Variants in ADAMTS17 observed in about 807,000 individuals in gnomAD.
The protein encoded by ADAMTS17 is A disintegrin and metalloproteinase with thrombospondin motifs 17.
In ADAMTS17, 113 loss-of-function variants were observed where a neutral mutation model predicts 141.5. That is an observed-to-expected ratio of 0.80 (90% confidence interval 0.69 to 0.93). ADAMTS17 has a LOEUF of 0.93. Among genes scored for constraint, ADAMTS17 ranks in the 40% least tolerant of loss-of-function variants. The probability of loss-of-function intolerance (pLI) is 0.00; values close to 1 mark genes in which losing one functional copy is unlikely to be tolerated. For synonymous variants in ADAMTS17, 768 were observed against 630.6 expected, an observed-to-expected ratio of 1.22 and a Z score of -3.27; for missense variants, 1,659 against 1,517.9, an observed-to-expected ratio of 1.09 and a Z score of -1.54.
At position 100,024,186 on chromosome 15, in the gene ADAMTS17, G is replaced by C. The variant is rs190972303; in HGVS notation, c.2591+24671C>G. On this transcript the variant is annotated intron_variant, in intron 18 of 21. Coordinates refer to ENST00000268070, the MANE Select transcript of ADAMTS17 (RefSeq NM_139057.4). ...CAGCTCAGTACAGCCTCGAACTCCT[G>C]GGCTCAAGCAATTCTCCTGCGTCGG... 6.6e-3 allele frequency among the ~76,000 whole-genome samples: 1,011 copies of C among 152,240 alleles called. 10 individuals are homozygous for C. The highest frequency in any genetic ancestry group is 0.011 in the Non-Finnish European group (724 of 68,016).
At position 100,199,393 on chromosome 15, in the gene ADAMTS17, G is replaced by C; in HGVS notation, c.1106C>G (p.Ala369Gly). 6.2e-7 allele frequency: 1 copy of C among 1,614,176 alleles called. No individual in the cohort carries two copies. Among genetic ancestry groups the C allele is most frequent in the Non-Finnish European group, 8.5e-7 (1 of 1,180,038 alleles). The change falls in exon 8 of 22, where the codon GCT becomes GGT. Residue 369 changes from alanine to glycine, a missense_variant. Physicochemically the swap from Ala to Gly is moderately conservative, Grantham distance 60. Coordinates refer to ENST00000268070, the MANE Select transcript of ADAMTS17 (RefSeq NM_139057.4). ...TTCGGCAAGCACACACTTCCTCTTA[G>C]CACTGCACACACCTCCTAAGTAAGC... ...GIAYLGGVCS[A>G]KRKCVLAEDN...
intron 10 of ADAMTS17, among the ~76,000 whole-genome samples, chr15:100,136,069 A>G (rs2038315522): frequency 6.6e-6 from 1 of 152,208 alleles, no homozygotes. Flanking sequence ...AGCAATTCGA[A>G]TCCTAAGTAT....
At chr15:100,237,716 C>T (rs2042703192) in intron 7 of ADAMTS17, among the ~76,000 whole-genome samples, 1 of 152,188 alleles carries the variant, frequency 6.6e-6, no homozygotes, top group Admixed American at 6.5e-5. Context: ...CTCCGCCTCC[C>T]AGGTTCAAGC....
At chr15:100,086,815 C>T (rs1567150346) in intron 15 of ADAMTS17, among the ~76,000 whole-genome samples, 1 of 151,200 alleles carries the variant, frequency 6.6e-6, no homozygotes. Flanking sequence ...CACAACATAC[C>T]AGAATCTCTG....
At chr15:100,274,146 G>T (rs1354224570) in intron 4 of ADAMTS17, among the ~76,000 whole-genome samples, 3 of 152,136 alleles carry the variant, frequency 2.0e-5, no homozygotes, top group African/African-American at 7.2e-5. Context: ...GGAAAAAAAA[G>T]TCTTCCATTG....
intron 8 of ADAMTS17, among the ~76,000 whole-genome samples, chr15:100,188,877 G>GA (rs2040817723): frequency 6.6e-6 from 1 of 152,212 alleles, no homozygotes; most frequent in Non-Finnish European, 1.5e-5. Flanking sequence ...GCCAGGGTAT[G>GA]AAAGCTATCC....
intron 10 of ADAMTS17, 73 bp from the exon 11 acceptor site, chr15:100,133,388 G>C: frequency 7.0e-7 from 1 of 1,437,808 alleles, no homozygotes; most frequent in Non-Finnish European, 9.6e-7. Context: ...GGTCAGAGGT[G>C]TGGCCCAACC....
chr15:100,068,443 G>C (rs1053542194), intron 15 of ADAMTS17, among the ~76,000 whole-genome samples: 3 of 152,342 alleles, frequency 2.0e-5, no homozygotes, highest in Admixed American at 6.5e-5. Context: ...TGCGAACAGA[G>C]AGACTGCCTC....
intron 19 of ADAMTS17, among the ~76,000 whole-genome samples, chr15:99,996,203 C>T (rs918298239): frequency 2.0e-5 from 3 of 152,172 alleles, no homozygotes; most frequent in African/African-American, 4.8e-5. Flanking sequence ...TACAGGCATG[C>T]GCCACCATGC....
chr15:100,109,124 G>A lies in ADAMTS17; in HGVS notation c.1889-8C>T, dbSNP rs1212319799. On this transcript the variant is annotated splice_region_variant and splice_polypyrimidine_tract_variant and intron_variant, in intron 13 of 21. Transcript: ENST00000268070. ...AGAGTTCACATGGCTTATCTGAGGA[G>A]GGAAAGGTTGGAGGACGTTGACACG... The A allele has an allele frequency of 1.9e-6, 3 of 1,607,054 alleles. No individual in the cohort carries two copies. The highest frequency in any genetic ancestry group is 1.3e-5 in the African/African-American group (1 of 74,730).
intron 6 of ADAMTS17, among the ~76,000 whole-genome samples, chr15:100,260,925 G>T (rs934113000): frequency 2.6e-5 from 4 of 152,132 alleles, no homozygotes; most frequent in African/African-American, 9.7e-5. Flanking sequence ...GTATGAACAT[G>T]TAACACATTT....
intron 10 of ADAMTS17, among the ~76,000 whole-genome samples, chr15:100,150,892 A>C (rs573513973): frequency 6.6e-6 from 1 of 151,798 alleles, no homozygotes; most frequent in East Asian, 1.9e-4. Context: ...TCTCCACATC[A>C]AGGGACTCCC....
intron 7 of ADAMTS17, among the ~76,000 whole-genome samples, chr15:100,244,740 C>A (rs570521188): frequency 6.6e-5 from 10 of 152,036 alleles, no homozygotes. Context: ...TTGTTCCAAC[C>A]GGAGCAGGAC....
chr15:100,186,881 T>C (rs137961925), intron 8 of ADAMTS17, among the ~76,000 whole-genome samples: 2 of 152,362 alleles, frequency 1.3e-5, no homozygotes, highest in Non-Finnish European at 2.9e-5. Context: ...ATAAGCAATA[T>C]TAATATCGTA....
intron 20 of ADAMTS17, among the ~76,000 whole-genome samples, chr15:99,984,547 C>CGAT (rs1452644277): frequency 6.6e-6 from 1 of 152,180 alleles, no homozygotes; most frequent in African/African-American, 2.4e-5. Context: ...GTGAAAATAA[C>CGAT]GATGATCAAA....
At chr15:100,133,598 ACAGCCCTGGC>A (rs1301588413) in intron 10 of ADAMTS17, among the ~76,000 whole-genome samples, 1 of 152,310 alleles carries the variant, frequency 6.6e-6, no homozygotes, top group African/African-American at 2.4e-5. Flanking sequence ...TATCAGAGGC[ACAGCCCTGGC>A]CAGGAGCAGC....
chr15:100,321,229 G>A (rs908462364), intron 3 of ADAMTS17, among the ~76,000 whole-genome samples: 4 of 152,110 alleles, frequency 2.6e-5, no homozygotes, highest in East Asian at 1.9e-4. Flanking sequence ...ACCAGTGGAA[G>A]AGAGAAGGGG....
intron 12 of ADAMTS17, among the ~76,000 whole-genome samples, chr15:100,117,951 A>G (rs1337118626): frequency 1.3e-5 from 2 of 152,202 alleles, no homozygotes; most frequent in African/African-American, 2.4e-5. Flanking sequence ...TGTCATCTGG[A>G]CACATTAGCC....
intron 15 of ADAMTS17, among the ~76,000 whole-genome samples, chr15:100,061,684 G>A (rs2033133702): frequency 6.6e-6 from 1 of 152,252 alleles, no homozygotes; most frequent in African/African-American, 2.4e-5. Context: ...ACTCAGGGCT[G>A]AGCCAGGCGG....
Sources: allele counts gnomAD v4.1 joint callset (sites outside exome capture counted in the v4.1 genomes callset), GRCh38; gene constraint gnomAD v4.1.1; transcripts MANE v1.5; gene names NCBI Gene and HGNC (gene_info 2026-07-23, HGNC 2026-07-21).